The following KHDRBS2 variants were observed in gnomAD, a reference collection of about 807,000 sequenced individuals.
The protein encoded by KHDRBS2 is KH domain-containing, RNA-binding, signal transduction-associated protein 2.
A neutral mutation model predicts 44.3 loss-of-function variants in KHDRBS2; 26 were observed. That is an observed-to-expected ratio of 0.59 (90% confidence interval 0.43 to 0.81). The LOEUF (loss-of-function observed/expected upper bound fraction) is 0.81. Ranked by LOEUF, KHDRBS2 falls within the 40% of genes least tolerant of loss-of-function variation. The probability of loss-of-function intolerance (pLI) is 0.00; values close to 1 mark genes in which losing one functional copy is unlikely to be tolerated. For synonymous variants in KHDRBS2, 194 were observed against 151.1 expected, an observed-to-expected ratio of 1.28 and a Z score of -2.08; for missense variants, 476 against 433.1, an observed-to-expected ratio of 1.10 and a Z score of -0.88.
At chr6:61,750,760 TA>T (rs61576563) in intron 6 of KHDRBS2, among the ~76,000 whole-genome samples, 4,755 of 116,420 alleles carry the variant, frequency 0.041, 229 homozygotes, top group African/African-American at 0.13. Flanking sequence ...GAGAAAAAAG[TA>T]AAAAAAAAAA....
At chr6:61,845,155 A>T (rs1794193851) in intron 6 of KHDRBS2, among the ~76,000 whole-genome samples, 1 of 152,180 alleles carries the variant, frequency 6.6e-6, no homozygotes, top group South Asian at 2.1e-4. Flanking sequence ...AATAAACATG[A>T]TTGACATATG....
chr6:61,924,341 T>A (rs1808580797), intron 4 of KHDRBS2, among the ~76,000 whole-genome samples: 1 of 152,070 alleles, frequency 6.6e-6, no homozygotes, highest in Non-Finnish European at 1.5e-5. Context: ...CCAAGGGCCA[T>A]AAGAAAATTT....
chr6:61,638,054 A>G, the KHDRBS2 span, among the ~76,000 whole-genome samples: 1 of 151,960 alleles, frequency 6.6e-6, no homozygotes, highest in Non-Finnish European at 1.5e-5. Context: ...CCCATTTGTC[A>G]ATTTTGGCTT....
chr6:61,778,353 T>G (rs886902335), intron 6 of KHDRBS2, among the ~76,000 whole-genome samples: 2 of 152,100 alleles, frequency 1.3e-5, no homozygotes, highest in Admixed American at 1.3e-4. Flanking sequence ...TAAATCTTTA[T>G]CATAACTCAT....
At chr6:62,198,562 C>A (rs1022155608) in intron 1 of KHDRBS2, among the ~76,000 whole-genome samples, 6 of 152,038 alleles carry the variant, frequency 3.9e-5, no homozygotes, top group African/African-American at 1.4e-4. Flanking sequence ...TTGAATAGAC[C>A]AATAAAGGCT....
intron 6 of KHDRBS2, among the ~76,000 whole-genome samples, chr6:61,874,787 A>G (rs560846268): frequency 1.3e-4 from 20 of 152,242 alleles, no homozygotes; most frequent in African/African-American, 4.8e-4. Context: ...CGGTGTCAGT[A>G]AAGGAGTCTA....
chr6:61,567,855 G>T, the KHDRBS2 span, among the ~76,000 whole-genome samples: 1 of 151,722 alleles, frequency 6.6e-6, no homozygotes, highest in African/African-American at 2.4e-5. Flanking sequence ...TAATATAGTA[G>T]CCTTTTTGGA....
intron 2 of KHDRBS2, among the ~76,000 whole-genome samples, chr6:62,159,908 G>A (rs2150111107): frequency 6.6e-6 from 1 of 152,194 alleles, no homozygotes. Flanking sequence ...TTGAAGAGGT[G>A]GAGTTGATCT....
intron 1 of KHDRBS2, among the ~76,000 whole-genome samples, chr6:62,238,925 G>T (rs1353612637): frequency 1.3e-5 from 2 of 151,942 alleles, no homozygotes; most frequent in East Asian, 3.9e-4. Flanking sequence ...GTTTAACCTG[G>T]ATCTAATAAT....
At chr6:61,987,678 A>G (rs1222527224) in intron 3 of KHDRBS2, among the ~76,000 whole-genome samples, 2 of 152,228 alleles carry the variant, frequency 1.3e-5, no homozygotes, top group Non-Finnish European at 2.9e-5. Context: ...TTAAATGGGC[A>G]TATGTGGAAA....
chr6:62,190,196 A>G (rs971049006), intron 1 of KHDRBS2, among the ~76,000 whole-genome samples: 1 of 152,120 alleles, frequency 6.6e-6, no homozygotes, highest in African/African-American at 2.4e-5. Flanking sequence ...AAAGAAAGAA[A>G]TCAACTGACT....
At chr6:62,099,145 T>C (rs1281548895) in intron 2 of KHDRBS2, among the ~76,000 whole-genome samples, 1 of 152,198 alleles carries the variant, frequency 6.6e-6, no homozygotes, top group East Asian at 1.9e-4. Flanking sequence ...CAGTATCCGG[T>C]ACCTTATTAG....
In KHDRBS2 at chr6:61,894,722, A is replaced by G; in HGVS notation, c.723T>C (p.Gly241=). ...CCCCCCGGGCTCGAGGGGTAGGGAC[A>G]CCTCTTGCTACAGGTGGCACTGGAA... is the stretch of plus-strand genomic sequence containing the variant. ...GALPVPPVAR[G]VPTPRARGAP... Residue 241 remains glycine (G), a synonymous_variant, in exon 6 of 9, where the codon GGT becomes GGC. Coordinates refer to ENST00000281156, the MANE Select transcript of KHDRBS2 (RefSeq NM_152688.4). 1 of 1,613,164 alleles carries G rather than the reference A, an allele frequency of 6.2e-7. No homozygotes were observed. Among genetic ancestry groups the G allele is most frequent in the Non-Finnish European group, 8.5e-7 (1 of 1,179,528 alleles).
chr6:62,140,340 A>C (rs1233983083), intron 2 of KHDRBS2, among the ~76,000 whole-genome samples: 1 of 152,212 alleles, frequency 6.6e-6, no homozygotes. Context: ...TGTCGATCTT[A>C]GGTTTAGCAA....
chr6:61,827,700 C>T (rs1265821017), intron 6 of KHDRBS2, among the ~76,000 whole-genome samples: 2 of 152,046 alleles, frequency 1.3e-5, no homozygotes, highest in Non-Finnish European at 2.9e-5. Context: ...CAGTGTGGTC[C>T]GACTCTGGTG....
chr6:61,629,847 T>C, the KHDRBS2 span, among the ~76,000 whole-genome samples: 5 of 152,226 alleles, frequency 3.3e-5, no homozygotes, highest in Admixed American at 3.3e-4. Context: ...CTGATAAATT[T>C]CAAATTTCTT....
intron 2 of KHDRBS2, among the ~76,000 whole-genome samples, chr6:62,172,360 G>T (rs1820186875): frequency 6.6e-6 from 1 of 151,536 alleles, no homozygotes. Flanking sequence ...TAATAGAAGG[G>T]TTCAATTCAA....
At chr6:62,167,746 A>C (rs893118949) in intron 2 of KHDRBS2, among the ~76,000 whole-genome samples, 1 of 152,178 alleles carries the variant, frequency 6.6e-6, no homozygotes, top group Admixed American at 6.6e-5. Context: ...AAACAGGTTT[A>C]AGCTGTAAGC....
chr6:61,897,773 T>C (rs556933117), intron 5 of KHDRBS2, among the ~76,000 whole-genome samples: 13 of 152,158 alleles, frequency 8.5e-5, no homozygotes, highest in African/African-American at 2.4e-4. Flanking sequence ...ACAGTGATAA[T>C]TGAGTAGTCT....
Sources: allele counts gnomAD v4.1 joint callset (sites outside exome capture counted in the v4.1 genomes callset), GRCh38; gene constraint gnomAD v4.1.1; transcripts MANE v1.5; gene names NCBI Gene and HGNC (gene_info 2026-07-23, HGNC 2026-07-21).